The following ABCC8 variants were observed in gnomAD, a reference collection of about 807,000 sequenced individuals.
ABCC8 encodes ATP-binding cassette sub-family C member 8.
Under a neutral mutation model 188.0 loss-of-function variants are expected in ABCC8, and 137 were observed. The ratio of observed to expected loss-of-function variants is 0.73; its 90% CI spans 0.63 to 0.84. ABCC8 has a LOEUF of 0.84. ABCC8 is among the 40% of genes least tolerant of loss of function. ABCC8 has a pLI of 0.00. For synonymous variants in ABCC8, 797 were observed against 846.5 expected (o/e 0.94, Z 1.01); for missense variants, 1,750 against 2,072.7 (o/e 0.84, Z 3.02).
intron 16 of ABCC8, among the ~76,000 whole-genome samples, chr11:17,418,765 T>C (rs964353849): frequency 1.3e-5 from 2 of 152,198 alleles, no homozygotes; most frequent in African/African-American, 4.8e-5. Flanking sequence ...TCAGCTCCCG[T>C]GTAATTTGTT....
intron 16 of ABCC8, among the ~76,000 whole-genome samples, chr11:17,421,851 C>T (rs1341955202): frequency 6.6e-6 from 1 of 152,186 alleles, no homozygotes; most frequent in Non-Finnish European, 1.5e-5. Context: ...GCACCCATCT[C>T]CCCAGAGCAT....
intron 10 of ABCC8, among the ~76,000 whole-genome samples, chr11:17,436,997 A>C (rs1188418789): frequency 6.9e-5 from 10 of 144,962 alleles, no homozygotes. Context: ...AGGCTGAGGC[A>C]GGAGAATCGC....
At chr11:17,449,801 CTA>C (rs1173280540) in intron 7 of ABCC8, among the ~76,000 whole-genome samples, 3 of 152,182 alleles carry the variant, frequency 2.0e-5, no homozygotes, top group African/African-American at 7.2e-5. Context: ...GGAACCTATT[CTA>C]TGTCTTTCTG....
chr11:17,450,343 T>C (rs1470377211), intron 7 of ABCC8, among the ~76,000 whole-genome samples: 50 of 145,376 alleles, frequency 3.4e-4, no homozygotes, highest in Middle Eastern at 6.9e-3. Context: ...TCTCTTTCCT[T>C]TCTTTCTTTC....
chr11:17,427,812 T>A lies in ABCC8; in HGVS notation c.2116+55A>T. 6.2e-7 allele frequency: 1 copy of A among 1,603,004 alleles called. No individual in the cohort carries two copies. Among genetic ancestry groups the A allele is most frequent in the Non-Finnish European group, 8.5e-7 (1 of 1,173,408 alleles). ...ATGCAGCTTTGTCTTTTTATCTCTA[T>A]GTTATTCAGTGGGACATGGGGAGGG... On this transcript the variant is annotated intron_variant, in intron 15 of 38. Coordinates refer to ENST00000389817, the MANE Select transcript of ABCC8 (RefSeq NM_000352.6). This position sits in a 1 kb window ranked among gnomAD's most constrained non-coding sequence, Gnocchi z 5.0.
Position 17,410,635 on chromosome 11 carries a change from G to A in ABCC8, c.2575C>T (p.Leu859=). The A allele has an allele frequency of 6.2e-7, 1 of 1,614,098 alleles. No homozygotes were observed. The highest frequency in any genetic ancestry group is 8.5e-7 in the Non-Finnish European group (1 of 1,179,984). ...AAGTGGTCACTCAGATGGATATCCA[G>A]AGCTGAGAAGGGGTCATCCTGGGCA... ...VVFLDDPFSA[L]DIHLSDHLMQ... Residue 859 remains leucine, a synonymous_variant, in exon 22 of 39, where the codon CTG becomes TTG. Coordinates refer to ENST00000389817, the MANE Select transcript of ABCC8 (RefSeq NM_000352.6).
At position 17,397,811 on chromosome 11, in the gene ABCC8, G is replaced by A; in HGVS notation, c.3754-14C>T. 1 of 1,613,340 alleles carries A rather than the reference G, an allele frequency of 6.2e-7. No homozygotes were observed. Among genetic ancestry groups the A allele is most frequent in the East Asian group, 2.2e-5 (1 of 44,866 alleles). On this transcript the variant is annotated splice_polypyrimidine_tract_variant and intron_variant, in intron 30 of 38. Transcript: ENST00000389817. ...ACCGATGTACTCCTGGGGAGGGAGA[G>A]GAGCTGACCTGGGCGCTCAGGGGTT... is the stretch of plus-strand genomic sequence containing the variant.
In ABCC8 at chr11:17,442,709, G is replaced by A. The variant is rs781394678; in HGVS notation, c.1630+11C>T. 12 of 1,612,826 alleles carry A rather than the reference G, an allele frequency of 7.4e-6. No individual in the cohort carries two copies. In the South Asian group the frequency reaches 1.3e-4, roughly 18 times the overall value. On this transcript the variant is annotated intron_variant, in intron 10 of 38. Transcript: ENST00000389817. Reference sequence around the variant, plus strand: ...GCAGCACCCAGGGCTGGCTGTGTGGGGTGAACTCACTGGAGATGGAGGTAT... The same window carrying A: ...GCAGCACCCAGGGCTGGCTGTGTGGAGTGAACTCACTGGAGATGGAGGTAT...
chr11:17,449,723 G>A (rs1298347051), intron 7 of ABCC8, among the ~76,000 whole-genome samples: 1 of 152,198 alleles, frequency 6.6e-6, no homozygotes, highest in Non-Finnish European at 1.5e-5. Flanking sequence ...TGTAAGGTGG[G>A]CTCCCCGCCC....
At chr11:17,428,203 A>G in intron 14 of ABCC8, 86 bp downstream of exon 14, 1 of 1,596,564 alleles carries the variant, frequency 6.3e-7, no homozygotes, top group East Asian at 2.2e-5. Context: ...GCAGAGGACT[A>G]AGCATGCAGC....
intron 4 of ABCC8, among the ~76,000 whole-genome samples, chr11:17,462,722 C>T (rs953261106): frequency 2.0e-5 from 3 of 152,044 alleles, no homozygotes; most frequent in African/African-American, 7.3e-5. Flanking sequence ...ATTAAGAAAA[C>T]GGAATTAGCC....
chr11:17,417,332 A>C (rs1486829041), intron 16 of ABCC8, among the ~76,000 whole-genome samples: 1 of 152,166 alleles, frequency 6.6e-6, no homozygotes, highest in East Asian at 1.9e-4. Context: ...GGACCCAATC[A>C]TTGGGTCTGG....
intron 12 of ABCC8, 170 bp from the exon 13 acceptor site, chr11:17,428,840 T>C: frequency 4.7e-6 from 6 of 1,289,844 alleles, no homozygotes; most frequent in East Asian, 2.5e-5. Flanking sequence ...TAATTGGTGT[T>C]ACCAGGGTTT....
At chr11:17,460,130 A>G (rs1327409393) in intron 6 of ABCC8, among the ~76,000 whole-genome samples, 1 of 152,196 alleles carries the variant, frequency 6.6e-6, no homozygotes, top group Non-Finnish European at 1.5e-5. Flanking sequence ...AAAACTTTTA[A>G]AGAGTTTACT....
rs756892173 is a variant in ABCC8 at position 17,453,300 on chromosome 11, T to C, written c.1012-17A>G. The C allele has an allele frequency of 1.3e-5, 21 of 1,613,060 alleles. No individual in the cohort carries two copies. The South Asian group carries it at 2.1e-4, about 16-fold the overall frequency. ...AAATTGTGTCTGTTGGAAAGAGAAGTTCAGAGGTGACTGTCATTGCCAGCA... is the reference window on the plus strand; with the variant it reads ...AAATTGTGTCTGTTGGAAAGAGAAGCTCAGAGGTGACTGTCATTGCCAGCA... On this transcript the variant is annotated splice_polypyrimidine_tract_variant and intron_variant, in intron 6 of 38. Coordinates refer to ENST00000389817, the MANE Select transcript of ABCC8 (RefSeq NM_000352.6).
At chr11:17,473,939 C>T (rs1396273050) in intron 2 of ABCC8, among the ~76,000 whole-genome samples, 1 of 152,208 alleles carries the variant, frequency 6.6e-6, no homozygotes, top group East Asian at 1.9e-4. Flanking sequence ...CCTCAGCCTC[C>T]ATCGCTCCCC....
At chr11:17,473,888 G>A (rs891004589) in intron 2 of ABCC8, among the ~76,000 whole-genome samples, 1 of 152,176 alleles carries the variant, frequency 6.6e-6, no homozygotes, top group Admixed American at 6.5e-5. Flanking sequence ...TGCAGGCTGG[G>A]ATTCACAGTC....
At position 17,461,645 on chromosome 11, in the gene ABCC8, G is replaced by A. The variant is rs554785616; in HGVS notation, c.760C>T (p.Pro254Ser). 1.2e-6 allele frequency: 2 copies of A among 1,614,240 alleles called. No individual in the cohort carries two copies. Among genetic ancestry groups the A allele is most frequent in the South Asian group, 1.1e-5 (1 of 91,088 alleles). Residue 254 changes from proline to serine, a missense_variant, in exon 5 of 39, where the codon CCC becomes TCC. Coordinates refer to ENST00000389817, the MANE Select transcript of ABCC8 (RefSeq NM_000352.6). ...TTGGTGAGGGCCCTCATGGCGATGG[G>A]CAGCTTCCCGATGGCTCGCAAGTCG... The part of the protein sequence containing the change: ...PIDLRAIGKL[P>S]IAMRALTNYQ...
chr11:17,434,765 A>T (rs1956003625), intron 10 of ABCC8, among the ~76,000 whole-genome samples: 1 of 152,204 alleles, frequency 6.6e-6, no homozygotes, highest in South Asian at 2.1e-4. Context: ...AAATAAATTT[A>T]AAAATGAACA....
Sources: gnomAD v4.1 joint callset for allele counts (sites outside exome capture counted in the v4.1 genomes callset) on GRCh38, gnomAD v4.1.1 for gene constraint, Gnocchi (gnomAD v3.1) non-coding constraint, MANE v1.5 for transcripts, NCBI Gene and HGNC (gene_info 2026-07-23, HGNC 2026-07-21) for gene names.